MEGF6: variants seen among roughly 807,000 people sequenced by gnomAD.
MEGF6 encodes multiple EGF like domains 6.
MEGF6 carries 184 observed loss-of-function variants against 207.1 expected under a neutral mutation model. The ratio of observed to expected loss-of-function variants is 0.89; its 90% CI spans 0.79 to 1.00. The LOEUF (loss-of-function observed/expected upper bound fraction) is 1.00. MEGF6 is among the 50% of genes least tolerant of loss of function. MEGF6 has a pLI of 0.00. For synonymous variants in MEGF6, 1,038 were observed against 910.0 expected (o/e 1.14, Z -2.53); for missense variants, 2,282 against 2,202.9 (o/e 1.04, Z -0.72).
At chr1:3,558,752 T>G (rs980486563) in intron 4 of MEGF6, among the ~76,000 whole-genome samples, 1 of 152,238 alleles carries the variant, frequency 6.6e-6, no homozygotes, top group African/African-American at 2.4e-5. Flanking sequence ...TGCTGAGAAG[T>G]GAAGTTGCCT....
intron 19 of MEGF6, 31 bp from the exon 20 acceptor site, chr1:3,501,125 C>A (rs748565509): frequency 1.2e-6 from 2 of 1,612,610 alleles, no homozygotes; most frequent in Admixed American, 1.7e-5. Flanking sequence ...GTGAGTGGGG[C>A]CTGGCCACCT....
chr1:3,499,075 C>T, intron 24 of MEGF6, 63 bp downstream of exon 24: 3 of 1,572,232 alleles, frequency 1.9e-6, no homozygotes, highest in Non-Finnish European at 8.6e-7. Context: ...GTGGGCCCTG[C>T]AAGAGGCCAG....
chr1:3,520,590 G>A (rs1353897858), intron 5 of MEGF6, among the ~76,000 whole-genome samples: 2 of 151,310 alleles, frequency 1.3e-5, no homozygotes, highest in Admixed American at 6.6e-5. Flanking sequence ...CTGAGCGGCC[G>A]GGGCAATGGG....
Position 3,509,988 on chromosome 1 carries a change from C to G in MEGF6, c.1239G>C (p.Val413=). Residue 413 remains valine (V), a synonymous_variant, in exon 11 of 37, where the codon GTG becomes GTC. Coordinates refer to ENST00000356575, the MANE Select transcript of MEGF6 (RefSeq NM_001409.4). The part of the protein sequence containing the change: ...LSADGCGCED[V]DECASSRGGC... Reference sequence around the variant, plus strand: ...CGCCACGGCTGGAGGCGCACTCATCCACATCTGCGGGCGACCCGGGACCAC... The same window carrying G: ...CGCCACGGCTGGAGGCGCACTCATCGACATCTGCGGGCGACCCGGGACCAC... 6.3e-7 allele frequency: 1 copy of G among 1,584,894 alleles called. No homozygotes were observed. The highest frequency in any genetic ancestry group is 8.5e-7 in the Non-Finnish European group (1 of 1,172,384).
upstream of MEGF6, among the ~76,000 whole-genome samples, chr1:3,613,177 G>A (rs780960143): frequency 4.1e-4 from 63 of 152,236 alleles, no homozygotes; most frequent in Non-Finnish European, 5.9e-4. Context: ...TCTGTCCTAC[G>A]GGGTTCTCAA....
At position 3,505,318 on chromosome 1, in the gene MEGF6, G is replaced by C; in HGVS notation, c.2078C>G (p.Pro693Arg). Reference protein sequence around the residue: ...QAECELGYFGPGCWQACTCPV... With the variant: ...QAECELGYFGRGCWQACTCPV... ...GCAGGTGCATGCCTGCCAGCACCCC[G>C]GCCCAAAGTAGCCCAGCTCACACTC... The change falls in exon 17 of 37, where the codon CCG (proline) becomes CGG (arginine). Residue 693 changes from proline (P) to arginine (R), a missense_variant. By Grantham distance (103) the Pro-to-Arg change is moderately radical. Transcript: ENST00000356575. 1 of 1,611,518 alleles carries C rather than the reference G, an allele frequency of 6.2e-7. No individual in the cohort carries two copies.
At chr1:3,589,360 T>C (rs921753597) in intron 3 of MEGF6, among the ~76,000 whole-genome samples, 3 of 152,066 alleles carry the variant, frequency 2.0e-5, no homozygotes, top group Admixed American at 6.5e-5. Flanking sequence ...CGGGAGCTCA[T>C]ACCTGCGCCC....
At chr1:3,602,693 C>T in intron 1 of MEGF6, 93 bp from the exon 2 acceptor site, 1 of 1,499,662 alleles carries the variant, frequency 6.7e-7, no homozygotes, top group Non-Finnish European at 8.9e-7. Flanking sequence ...GTCAGCTCAT[C>T]TGGAGTGAGG....
rs138354618 is a variant in MEGF6 at position 3,560,850 on chromosome 1, GGGCT to G, written c.481+18971_481+18974del. On this transcript the variant is annotated intron_variant, in intron 4 of 36. Coordinates refer to ENST00000356575, the MANE Select transcript of MEGF6 (RefSeq NM_001409.4). This position sits in a 1 kb window ranked among gnomAD's most constrained non-coding sequence, Gnocchi z 4.0. Reference sequence around the variant, plus strand: ...AGGCGTCGGCCGCGAGGGGGTTGCTGGGCTGGCTGGTCCCCCAGGTCTCTACGCG... The same window carrying G: ...AGGCGTCGGCCGCGAGGGGGTTGCTGGGCTGGTCCCCCAGGTCTCTACGCG... 127,441 of 455,238 alleles carry G rather than the reference GGGCT, an allele frequency of 0.28. 19,615 individuals carry two copies. Among genetic ancestry groups the G allele is most frequent in the African/African-American group, 0.47 (22,760 of 48,790 alleles). 28.2% of individuals were successfully genotyped at this position (455,238 alleles called of 1,614,324 possible).
At chr1:3,499,390 C>T in intron 23 of MEGF6, 124 bp from the exon 24 acceptor site, 7 of 1,426,842 alleles carry the variant, frequency 4.9e-6, no homozygotes, top group Admixed American at 2.3e-5. Flanking sequence ...CTCTCCCCTC[C>T]CTCTGGCTCA....
upstream of MEGF6, among the ~76,000 whole-genome samples, chr1:3,615,467 C>G (rs1644369971): frequency 6.6e-6 from 1 of 152,210 alleles, no homozygotes; most frequent in Non-Finnish European, 1.5e-5. Flanking sequence ...GGCCTCAGCT[C>G]CCAGACCAAG....
At chr1:3,551,119 C>T (rs1209100795) in intron 4 of MEGF6, among the ~76,000 whole-genome samples, 4 of 152,232 alleles carry the variant, frequency 2.6e-5, no homozygotes, top group African/African-American at 9.6e-5. Flanking sequence ...TGGCCTATAC[C>T]AGGCCAGATG....
rs1388789839 is a variant in MEGF6 at position 3,499,282 on chromosome 1, G to A, written c.2966-16C>T. On this transcript the variant is annotated splice_polypyrimidine_tract_variant and intron_variant, in intron 23 of 36. Coordinates refer to ENST00000356575, the MANE Select transcript of MEGF6 (RefSeq NM_001409.4). ...GCTGGGCAGGCTGCAGGTGGAGAGG[G>A]CTGGTCAGAGCCAGGGGTGGGCAGG... 6 of 1,594,650 alleles carry A rather than the reference G, an allele frequency of 3.8e-6. No individual in the cohort carries two copies. In the Admixed American group the frequency reaches 5.2e-5, roughly 14 times the overall value.
Position 3,511,632 on chromosome 1 carries a change from A to G in MEGF6, c.1032T>C (p.His344=). The change falls in exon 9 of 37, where the codon CAT becomes CAC. Residue 344 remains histidine (H), a synonymous_variant. Transcript: ENST00000356575. ...GCCCAGCACTGGTGTGGCTGCAGCCATGGGAGCAGCCGCCGTTGTTGGCCT... is the reference window on the plus strand; with the variant it reads ...GCCCAGCACTGGTGTGGCTGCAGCCGTGGGAGCAGCCGCCGTTGTTGGCCT... ...SCEANNGGCS[H]GCSHTSAGPL... 1 of 1,611,952 alleles carries G rather than the reference A, an allele frequency of 6.2e-7. No homozygotes were observed. Among genetic ancestry groups the G allele is most frequent in the Non-Finnish European group, 8.5e-7 (1 of 1,179,372 alleles).
At chr1:3,503,421 G>T (rs1160766893) in intron 17 of MEGF6, among the ~76,000 whole-genome samples, 1 of 151,812 alleles carries the variant, frequency 6.6e-6, no homozygotes, top group Non-Finnish European at 1.5e-5. Context: ...ATCGCCTGTG[G>T]CTTATCCTCG....
At chr1:3,535,588 G>A (rs1467957371) in intron 4 of MEGF6, among the ~76,000 whole-genome samples, 3 of 122,756 alleles carry the variant, frequency 2.4e-5, no homozygotes, top group Non-Finnish European at 3.4e-5. Context: ...ATGCCCACCC[G>A]CCCACCTCCC....
chr1:3,497,739 G>A (rs995661069), intron 26 of MEGF6: 32 of 388,746 alleles, frequency 8.2e-5, no homozygotes, highest in Non-Finnish European at 1.1e-4. Flanking sequence ...GGGAGCCAGC[G>A]ACAGCCCTGA....
At position 3,500,726 on chromosome 1, in the gene MEGF6, G is replaced by C; in HGVS notation, c.2614C>G (p.Pro872Ala). The C allele has an allele frequency of 6.3e-7, 1 of 1,599,046 alleles. No homozygotes were observed. Among genetic ancestry groups the C allele is most frequent in the Non-Finnish European group, 8.5e-7 (1 of 1,173,388 alleles). Residue 872 changes from proline (P) to alanine (A), a missense_variant, in exon 21 of 37, where the codon CCC becomes GCC. Coordinates refer to ENST00000356575, the MANE Select transcript of MEGF6 (RefSeq NM_001409.4). The part of the protein sequence containing the change: ...TGHWGPDCSH[P>A]CNCSAGHGSC... ...CCGTGGCCAGCGCTGCAGTTGCAGGGGTGGCTGCAGTCAGGTCCCCAGTGC... is the reference window on the plus strand; with the variant it reads ...CCGTGGCCAGCGCTGCAGTTGCAGGCGTGGCTGCAGTCAGGTCCCCAGTGC...
rs186167860 is a variant in MEGF6 at position 3,506,852 on chromosome 1, C to A, written c.1790-616G>T. 2.6e-5 allele frequency among the ~76,000 whole-genome samples: 4 copies of A among 152,338 alleles called. No individual in the cohort carries two copies. In the East Asian group the frequency reaches 7.7e-4, roughly 29 times the overall value. ...CCATAGTAGCCCTACATTATCCAGG[C>A]TGGCCCTGAATCCAAAGACAAACAT... On this transcript the variant is annotated intron_variant, in intron 14 of 36. Coordinates refer to ENST00000356575, the MANE Select transcript of MEGF6 (RefSeq NM_001409.4).
Sources: allele counts gnomAD v4.1 joint callset (sites outside exome capture counted in the v4.1 genomes callset), GRCh38; gene constraint gnomAD v4.1.1; non-coding constraint Gnocchi (gnomAD v3.1); transcripts MANE v1.5; gene names NCBI Gene and HGNC (gene_info 2026-07-23, HGNC 2026-07-21).